Variants in CUX2 observed in about 807,000 individuals in gnomAD.
CUX2 encodes homeobox protein cut-like 2.
CUX2 carries 40 observed loss-of-function variants against 144.8 expected under a neutral mutation model. That is an observed-to-expected ratio of 0.28 (90% CI 0.21 to 0.36). The LOEUF (loss-of-function observed/expected upper bound fraction) is 0.36. Ranked by LOEUF, CUX2 falls within the 10% of genes least tolerant of loss-of-function variation. The pLI, the probability that CUX2 is intolerant of heterozygous loss-of-function variation, is 1.00. For missense variants in CUX2, 1,615 were observed against 1,994.0 expected, an observed-to-expected ratio of 0.81 and a Z score of 3.62; for synonymous variants, 827 against 875.6, an observed-to-expected ratio of 0.94 and a Z score of 0.98.
intron 3 of CUX2, among the ~76,000 whole-genome samples, chr12:111,219,094 CTG>C (rs1881707148): frequency 6.6e-6 from 1 of 152,198 alleles, no homozygotes; most frequent in Non-Finnish European, 1.5e-5. Flanking sequence ...CATTTTAAGT[CTG>C]TCATCCACCA....
rs557082969 is a variant in CUX2 at position 111,333,369 on chromosome 12, G to A, written c.2927-1072G>A. On this transcript the variant is annotated intron_variant, in intron 18 of 21. Coordinates refer to ENST00000261726, the MANE Select transcript of CUX2 (RefSeq NM_015267.4). Reference sequence around the variant, plus strand: ...ACTGCACTCCATCCTGGGCAACACAGCAAGACCCTGTCTCAAAATGAATTA... The same window carrying A: ...ACTGCACTCCATCCTGGGCAACACAACAAGACCCTGTCTCAAAATGAATTA... Among the ~76,000 whole-genome samples the A allele has an allele frequency of 3.3e-5, 5 of 152,236 alleles. 1 individual carries two copies. Among genetic ancestry groups the A allele is most frequent in the African/African-American group, 1.2e-4 (5 of 41,548 alleles).
intron 3 of CUX2, among the ~76,000 whole-genome samples, chr12:111,226,195 C>T (rs959054311): frequency 1.7e-4 from 26 of 152,314 alleles, no homozygotes; most frequent in African/African-American, 5.3e-4. Context: ...CCTCCTGCCT[C>T]GGCCTCCCAA....
chr12:111,168,758 T>C (rs1878318411), intron 1 of CUX2, among the ~76,000 whole-genome samples: 1 of 152,218 alleles, frequency 6.6e-6, no homozygotes, highest in Non-Finnish European at 1.5e-5. Context: ...AAAACAAATA[T>C]TAATATGAGT....
At position 111,320,634 on chromosome 12, in the gene CUX2, C is replaced by G. The variant is rs1327593599; in HGVS notation, c.2625C>G (p.Thr875=). 1 of 1,594,508 alleles carries G rather than the reference C, an allele frequency of 6.3e-7. No homozygotes were observed. Among genetic ancestry groups the G allele is most frequent in the Admixed American group, 1.7e-5 (1 of 59,670 alleles). ...LPYYPAYVPR[T]LKPTVPPLTP... ...ACTACCCGGCCTACGTGCCGCGCAC[C>G]CTGAAGCCCACCGTGCCGCCGCTGA... is the stretch of plus-strand genomic sequence containing the variant. The change falls in exon 17 of 22, where the codon ACC becomes ACG. Residue 875 remains threonine, a synonymous_variant. Coordinates refer to ENST00000261726, the MANE Select transcript of CUX2 (RefSeq NM_015267.4). This position sits in a 1 kb window ranked among gnomAD's most constrained non-coding sequence, Gnocchi z 8.1.
chr12:111,272,524 G>A (rs942824018), intron 4 of CUX2, among the ~76,000 whole-genome samples: 2 of 152,164 alleles, frequency 1.3e-5, no homozygotes, highest in African/African-American at 4.8e-5. Flanking sequence ...GAGTGCAGTG[G>A]TGCAATCTCA....
intron 3 of CUX2, among the ~76,000 whole-genome samples, chr12:111,238,815 C>T (rs924138096): frequency 5.9e-5 from 9 of 152,144 alleles, no homozygotes; most frequent in Non-Finnish European, 1.2e-4. Context: ...GAGACCGAGG[C>T]GGGTGGGTCA....
chr12:111,066,388 G>C (rs1033951809), intron 1 of CUX2, among the ~76,000 whole-genome samples: 2 of 152,186 alleles, frequency 1.3e-5, no homozygotes, highest in Non-Finnish European at 2.9e-5. Context: ...ATGAAAATTA[G>C]TTTCTCCTTT....
chr12:111,056,644 G>A (rs1870542206), intron 1 of CUX2, among the ~76,000 whole-genome samples: 1 of 152,222 alleles, frequency 6.6e-6, no homozygotes, highest in South Asian at 2.1e-4. Context: ...CATCTACTCT[G>A]CTGATTGGGG....
chr12:111,197,509 T>A (rs1467824958), intron 1 of CUX2, among the ~76,000 whole-genome samples: 1 of 152,216 alleles, frequency 6.6e-6, no homozygotes, highest in East Asian at 1.9e-4. Context: ...AATGAATAAA[T>A]GCGTACATGC....
At chr12:111,179,740 G>A (rs774808233) in intron 1 of CUX2, among the ~76,000 whole-genome samples, 5 of 151,792 alleles carry the variant, frequency 3.3e-5, no homozygotes, top group East Asian at 1.9e-4. Context: ...GCAGTGGTGC[G>A]ATCTCAGCTC....
At chr12:111,274,798 C>T (rs546708653) in intron 4 of CUX2, among the ~76,000 whole-genome samples, 31 of 152,188 alleles carry the variant, frequency 2.0e-4, no homozygotes, top group East Asian at 7.7e-4. Flanking sequence ...GAGGGGTGCA[C>T]GCATACTTCT....
At chr12:111,223,778 G>T (rs191505654) in intron 3 of CUX2, among the ~76,000 whole-genome samples, 29 of 152,256 alleles carry the variant, frequency 1.9e-4, no homozygotes, top group Non-Finnish European at 3.7e-4. Context: ...GTGAACACCT[G>T]GTTCATTCGC....
intron 18 of CUX2, among the ~76,000 whole-genome samples, chr12:111,331,701 C>G (rs1233470205): frequency 4.6e-5 from 7 of 152,216 alleles, no homozygotes; most frequent in South Asian, 2.1e-4. Flanking sequence ...GGAGGCTTGG[C>G]AAAGTCATCC....
At chr12:111,094,997 G>T (rs1311848451) in intron 1 of CUX2, among the ~76,000 whole-genome samples, 1 of 152,148 alleles carries the variant, frequency 6.6e-6, no homozygotes, top group African/African-American at 2.4e-5. Flanking sequence ...ATCACCTTGG[G>T]AGTAATGCAG....
At chr12:111,332,235 C>T (rs549331856) in intron 18 of CUX2, among the ~76,000 whole-genome samples, 36 of 145,204 alleles carry the variant, frequency 2.5e-4, no homozygotes, top group Non-Finnish European at 4.5e-4. Flanking sequence ...CAGGTTCAAG[C>T]GATTCTGCTG....
chr12:111,089,344 G>A (rs1872426823), intron 1 of CUX2, among the ~76,000 whole-genome samples: 1 of 152,208 alleles, frequency 6.6e-6, no homozygotes, highest in Non-Finnish European at 1.5e-5. Flanking sequence ...AGAAATGGGG[G>A]GAGTAATGGG....
intron 1 of CUX2, among the ~76,000 whole-genome samples, chr12:111,147,696 T>A (rs752732334): frequency 6.6e-6 from 1 of 152,308 alleles, no homozygotes; most frequent in African/African-American, 2.4e-5. Context: ...GCTGGGCACC[T>A]GCAAGGCTGT....
intron 1 of CUX2, among the ~76,000 whole-genome samples, chr12:111,118,185 T>TA (rs1428655539): frequency 6.6e-6 from 1 of 152,176 alleles, no homozygotes. Flanking sequence ...GCAAACTACT[T>TA]ACTAAACACA....
chr12:111,181,314 C>G (rs1879163881), intron 1 of CUX2, among the ~76,000 whole-genome samples: 1 of 152,240 alleles, frequency 6.6e-6, no homozygotes, highest in Admixed American at 6.5e-5. Flanking sequence ...GTCTATTAGG[C>G]AAGCCAGCAG....
Sources: gnomAD v4.1 joint callset for allele counts (sites outside exome capture counted in the v4.1 genomes callset) on GRCh38, gnomAD v4.1.1 for gene constraint, Gnocchi (gnomAD v3.1) non-coding constraint, MANE v1.5 for transcripts, NCBI Gene and HGNC (gene_info 2026-07-23, HGNC 2026-07-21) for gene names.